FCHO1: variants seen among roughly 807,000 people sequenced by gnomAD.
FCHO1 encodes FCH and mu domain containing endocytic adaptor 1, also known as F-BAR domain only protein 1.
FCHO1 carries 45 observed loss-of-function variants against 114.4 expected under a neutral mutation model. The observed-to-expected ratio is 0.39, with a 90% CI of 0.31 to 0.50. The LOEUF is 0.50. FCHO1 is among the 20% of genes least tolerant of loss of function. FCHO1 has a pLI of 0.77. For missense variants in FCHO1, 1,042 were observed against 1,209.6 expected, an observed-to-expected ratio of 0.86 and a Z score of 2.06; for synonymous variants, 480 against 488.9, an observed-to-expected ratio of 0.98 and a Z score of 0.24.
chr19:17,776,747 T>C lies in FCHO1; in HGVS notation c.1259+61T>C. On this transcript the variant is annotated intron_variant, in intron 18 of 28. Coordinates refer to ENST00000596536, the MANE Select transcript of FCHO1 (RefSeq NM_015122.3). The surrounding 1 kb of genome is among the most constrained non-coding windows in gnomAD (Gnocchi z 4.4). ...CCCACCTCCTCCCTCCACCTCCCCA[T>C]GTCTCCGCCTGGTGTTCTCTTGTCC... 1 of 1,468,464 alleles carries C rather than the reference T, an allele frequency of 6.8e-7. No homozygotes were observed. The highest frequency in any genetic ancestry group is 9.5e-7 in the Non-Finnish European group (1 of 1,053,644). 91.0% of individuals were successfully genotyped at this position (1,468,464 alleles called of 1,614,324 possible).
rs919376450 is a variant in FCHO1 at position 17,784,302 on chromosome 19, A to G, written c.2226+67A>G. 3 of 1,531,152 alleles carry G rather than the reference A, an allele frequency of 2.0e-6. No homozygotes were observed. Among genetic ancestry groups the G allele is most frequent in the Non-Finnish European group, 1.8e-6 (2 of 1,135,040 alleles). The allele number at this position is 1,531,152 out of a possible 1,614,324, so 94.8% of individuals were successfully genotyped here. ...GGGACACGGTGAGCCGGCAGCAGAC[A>G]TGGAGGCGCCTGCGTGTTGGCCAGG... is the stretch of plus-strand genomic sequence containing the variant. On this transcript the variant is annotated intron_variant, in intron 25 of 28. Coordinates refer to ENST00000596536, the MANE Select transcript of FCHO1 (RefSeq NM_015122.3). The surrounding 1 kb of genome is among the most constrained non-coding windows in gnomAD (Gnocchi z 5.3).
In FCHO1 at chr19:17,774,256, G is replaced by A. The variant is rs1345147618; in HGVS notation, c.808G>A (p.Ala270Thr). The change falls in exon 12 of 29, where the codon GCA becomes ACA. Residue 270 changes from alanine (A) to threonine (T), a missense_variant. Coordinates refer to ENST00000596536, the MANE Select transcript of FCHO1 (RefSeq NM_015122.3). ...TGTCTCAGGACCTCTGGACTTCGAGGCATACAGTGCGGCTGCCCTGCAGGA... is the reference window on the plus strand; with the variant it reads ...TGTCTCAGGACCTCTGGACTTCGAGACATACAGTGCGGCTGCCCTGCAGGA... ...REKPGPLDFE[A>T]YSAAALQEAM... 1 of 1,613,974 alleles carries A rather than the reference G, an allele frequency of 6.2e-7. No individual in the cohort carries two copies. Among genetic ancestry groups the A allele is most frequent in the Admixed American group, 1.7e-5 (1 of 59,994 alleles).
Position 17,778,930 on chromosome 19 carries a change from G to T in FCHO1, c.1627+46G>T, listed in dbSNP as rs774122861. ...CCTGAGAGTTGCTGGAACCCTGGGC[G>T]GGGGATTGAGCGCCTGCTTTGGGCA... is the stretch of plus-strand genomic sequence containing the variant. On this transcript the variant is annotated intron_variant, in intron 20 of 28. Transcript: ENST00000596536. 5 of 1,478,224 alleles carry T rather than the reference G, an allele frequency of 3.4e-6. No homozygotes were observed. In the Admixed American group the frequency reaches 1.2e-4, roughly 36 times the overall value. The allele number at this position is 1,478,224 out of a possible 1,614,324, so 91.6% of individuals were successfully genotyped here.
rs1285315748 is a variant in FCHO1, at chr19:17,774,460, C to T, written c.902C>T (p.Pro301Leu). 1 of 1,613,360 alleles carries T rather than the reference C, an allele frequency of 6.2e-7. No homozygotes were observed. Among genetic ancestry groups the T allele is most frequent in the African/African-American group, 1.3e-5 (1 of 75,018 alleles). Reference protein sequence around the residue: ...LPGLSRREREPEPPAAVDFLE... With the variant: ...LPGLSRRERELEPPAAVDFLE... The stretch of plus-strand genomic sequence containing the variant: ...GGACTAAGCCGGCGGGAGCGGGAGC[C>T]AGAGCCACCTGCAGCTGTGTGAGGA... The change falls in exon 13 of 29, where the codon CCA becomes CTA. Residue 301 changes from proline (P) to leucine (L), a missense_variant. Coordinates refer to ENST00000596536, the MANE Select transcript of FCHO1 (RefSeq NM_015122.3).
At chr19:17,749,301 C>T (rs571361103), upstream of FCHO1, among the ~76,000 whole-genome samples, 2 of 152,276 alleles carry the variant, frequency 1.3e-5, no homozygotes, top group African/African-American at 4.8e-5. Context: ...GTGTTTTTCC[C>T]TTGGTGCCTT....
chr19:17,766,866 A>C, intron 7 of FCHO1, 56 bp downstream of exon 7: 1 of 1,575,768 alleles, frequency 6.3e-7, no homozygotes, highest in East Asian at 2.3e-5. Flanking sequence ...CCGGCAGCTC[A>C]CAGGACCCCA....
intron 5 of FCHO1, 54 bp downstream of exon 5, chr19:17,762,907 CG>C (rs1390836321): frequency 6.0e-5 from 74 of 1,231,482 alleles, no homozygotes; most frequent in Non-Finnish European, 8.5e-5. Context: ...CCTGTAGTCA[CG>C]CCCACCTAAT....
In FCHO1 at chr19:17,783,066, A is replaced by G; in HGVS notation, c.1987A>G (p.Ile663Val). The change falls in exon 24 of 29, where the codon ATC becomes GTC. Residue 663 changes from isoleucine to valine, a missense_variant. Physicochemically the swap from Ile to Val is conservative, Grantham distance 29 (BLOSUM62 3). This residue lies in a region of FCHO1 where 455 missense variants were observed against 455.4 expected (regional missense o/e 1.00). Coordinates refer to ENST00000596536, the MANE Select transcript of FCHO1 (RefSeq NM_015122.3). ...GCTGACCATGACCTTCCCTGCTGGC[A>G]TCGTGCGTGTGTTCAGCGGGACCCC... ...GELTMTFPAG[I>V]VRVFSGTPPP... The G allele has an allele frequency of 1.2e-6, 2 of 1,614,092 alleles. No individual in the cohort carries two copies. The highest frequency in any genetic ancestry group is 2.2e-5 in the East Asian group (1 of 44,866).
intron 11 of FCHO1, among the ~76,000 whole-genome samples, chr19:17,774,025 C>T (rs894792788): frequency 4.6e-5 from 7 of 152,172 alleles, no homozygotes; most frequent in African/African-American, 1.7e-4. Flanking sequence ...ATTCTCCTGC[C>T]TCAGCCTCCC....
rs555880961 is a variant in FCHO1, at chr19:17,751,628, C to G, written c.-183+51C>G. 6.6e-5 allele frequency: 10 copies of G among 152,592 alleles called. No individual in the cohort carries two copies. Among genetic ancestry groups the G allele is most frequent in the African/African-American group, 1.9e-4 (8 of 41,598 alleles). 9.5% of individuals were successfully genotyped at this position (152,592 alleles called of 1,614,324 possible). A position where few individuals can be genotyped will look rare whatever the true frequency, so the allele number is the denominator to read the frequency against. ...TACCCATCATCTCGCCTTGGCCCCC[C>G]TCAGGAACAGAGGGGAGGCCCCCCT... is the stretch of plus-strand genomic sequence containing the variant. On this transcript the variant is annotated intron_variant, in intron 1 of 28. Coordinates refer to ENST00000596536, the MANE Select transcript of FCHO1 (RefSeq NM_015122.3). This position sits in a 1 kb window ranked among gnomAD's most constrained non-coding sequence, Gnocchi z 4.4.
chr19:17,788,472 C>T lies in FCHO1; in HGVS notation c.*166C>T. ...CTGGCTGAGCCCGAGATTCGCTCCT[C>T]CCCCTCATGCCAACCCCACACAGGT... is the stretch of plus-strand genomic sequence containing the variant. On this transcript the variant is annotated 3_prime_UTR_variant, in exon 29 of 29. Transcript: ENST00000596536. 1 of 591,040 alleles carries T rather than the reference C, an allele frequency of 1.7e-6. No individual in the cohort carries two copies. The highest frequency in any genetic ancestry group is 3.1e-6 in the Non-Finnish European group (1 of 327,408). The allele number at this position is 591,040 out of a possible 1,614,324, so 36.6% of individuals were successfully genotyped here.
chr19:17,781,675 T>C (rs1213515603), intron 22 of FCHO1, 37 bp from the exon 23 acceptor site: 3 of 1,554,894 alleles, frequency 1.9e-6, no homozygotes, highest in Non-Finnish European at 2.6e-6. Flanking sequence ...TCACACTGTC[T>C]ATCCGTTGTT....
upstream of FCHO1, among the ~76,000 whole-genome samples, chr19:17,751,206 A>G (rs2081875576): frequency 6.6e-6 from 1 of 152,172 alleles, no homozygotes; most frequent in Non-Finnish European, 1.5e-5. This position sits in a 1 kb window ranked among gnomAD's most constrained non-coding sequence, Gnocchi z 4.4. Flanking sequence ...TGAAGTGGGT[A>G]TCGGCCTACC....
rs1407410918 is a variant in FCHO1, at chr19:17,781,121, T to C, written c.1628-110T>C. 12 of 720,040 alleles carry C rather than the reference T, an allele frequency of 1.7e-5. No homozygotes were observed. In the East Asian group the frequency reaches 2.5e-4, roughly 15 times the overall value. The allele number at this position is 720,040 out of a possible 1,614,324, so 44.6% of individuals were successfully genotyped here. On this transcript the variant is annotated intron_variant, in intron 20 of 28. Coordinates refer to ENST00000596536, the MANE Select transcript of FCHO1 (RefSeq NM_015122.3). ...ACCAGGACTTCAGACCCATTGGGGG[T>C]CTCTGCAGAAAAGCCCACCTCCTAA...
At position 17,781,777 on chromosome 19, in the gene FCHO1, T is replaced by A. The variant is rs1568369144; in HGVS notation, c.1894T>A (p.Phe632Ile). 3.7e-6 allele frequency: 6 copies of A among 1,611,912 alleles called. No individual in the cohort carries two copies. The highest frequency in any genetic ancestry group is 5.1e-6 in the Non-Finnish European group (6 of 1,178,912). ...SQDALPIATA[F>I]TEYVHAYFRG... ...GGATGCCCTGCCCATAGCCACAGCC[T>A]TCACAGAGTATGTCCACGCCTACTT... is the stretch of plus-strand genomic sequence containing the variant. Residue 632 changes from phenylalanine to isoleucine, a missense_variant, in exon 23 of 29, where the codon TTC (phenylalanine) becomes ATC (isoleucine). Phe to Ile is a conservative substitution (Grantham distance 21). Coordinates refer to ENST00000596536, the MANE Select transcript of FCHO1 (RefSeq NM_015122.3).
upstream of FCHO1, among the ~76,000 whole-genome samples, chr19:17,748,810 G>A (rs1419342267): frequency 6.6e-6 from 1 of 152,142 alleles, no homozygotes; most frequent in African/African-American, 2.4e-5. Context: ...GGGAGCTTCG[G>A]ACCCTGCATT....
chr19:17,770,775 C>A lies in FCHO1; in HGVS notation c.490-17C>A. On this transcript the variant is annotated splice_polypyrimidine_tract_variant and intron_variant, in intron 8 of 28. Transcript: ENST00000596536. ...AGTATCGCCCTCCCATCCCCGTTTC[C>A]TCCCTGTGCTTTGTAGGCGGAGACT... 1 of 1,613,752 alleles carries A rather than the reference C, an allele frequency of 6.2e-7. No individual in the cohort carries two copies. Among genetic ancestry groups the A allele is most frequent in the Non-Finnish European group, 8.5e-7 (1 of 1,179,854 alleles).
chr19:17,783,874 C>G (rs1161467561), intron 24 of FCHO1, among the ~76,000 whole-genome samples: 1 of 152,230 alleles, frequency 6.6e-6, no homozygotes, highest in Non-Finnish European at 1.5e-5. Flanking sequence ...AGCCACCACA[C>G]CCAGCCACCT....
chr19:17,771,702 T>A lies in FCHO1; in HGVS notation c.595-755T>A, dbSNP rs558400131. On this transcript the variant is annotated intron_variant, in intron 9 of 28. Coordinates refer to ENST00000596536, the MANE Select transcript of FCHO1 (RefSeq NM_015122.3). ...AAAAAATAAAATAAAAAATAAAATT[T>A]AAAAAAACTGACAAGCTCAGGGAAC... Among the ~76,000 whole-genome samples, 61 of 152,112 alleles carry A rather than the reference T, an allele frequency of 4.0e-4. No individual in the cohort carries two copies. In the South Asian group the frequency reaches 0.011, roughly 27 times the overall value.
Sources: gnomAD v4.1 joint callset for allele counts (sites outside exome capture counted in the v4.1 genomes callset) on GRCh38, gnomAD v4.1.1 for gene constraint, gnomAD v4.1.1 regional missense constraint, Gnocchi (gnomAD v3.1) non-coding constraint, MANE v1.5 for transcripts, NCBI Gene and HGNC (gene_info 2026-07-23, HGNC 2026-07-21) for gene names.